IGSF21: variants seen among roughly 807,000 people sequenced by gnomAD.
The protein encoded by IGSF21 is immunoglobulin superfamily member 21.
In IGSF21, 28 loss-of-function variants were observed where a neutral mutation model predicts 46.8. The observed-to-expected ratio is 0.60, with a 90% CI of 0.44 to 0.82. IGSF21 has a LOEUF of 0.82. IGSF21 is among the 40% of genes least tolerant of loss of function. The pLI is 0.00. For synonymous variants in IGSF21, 284 were observed against 273.6 expected, an observed-to-expected ratio of 1.04 and a Z score of -0.38; for missense variants, 624 against 665.5, an observed-to-expected ratio of 0.94 and a Z score of 0.69.
intron 1 of IGSF21, among the ~76,000 whole-genome samples, chr1:18,160,147 AGAAG>A (rs2124442017): frequency 6.6e-6 from 1 of 152,204 alleles, no homozygotes; most frequent in East Asian, 1.9e-4. Flanking sequence ...CTAGGGGGAG[AGAAG>A]GAAGGAAAAA....
intron 2 of IGSF21, among the ~76,000 whole-genome samples, chr1:18,280,844 T>A (rs1270835795): frequency 1.3e-5 from 2 of 152,050 alleles, no homozygotes; most frequent in Non-Finnish European, 2.9e-5. Flanking sequence ...CATGATCTCC[T>A]CCTGTCTGCC....
At chr1:18,271,124 G>C (rs1255605078) in intron 2 of IGSF21, among the ~76,000 whole-genome samples, 1 of 152,162 alleles carries the variant, frequency 6.6e-6, no homozygotes, top group East Asian at 1.9e-4. Flanking sequence ...CAGAGGATTG[G>C]TTTTCATGGT....
intron 1 of IGSF21, among the ~76,000 whole-genome samples, chr1:18,201,958 G>C (rs764522684): frequency 6.6e-6 from 1 of 152,060 alleles, no homozygotes; most frequent in Non-Finnish European, 1.5e-5. Flanking sequence ...TCCTCCCTCC[G>C]TTCCTGACCC....
At chr1:18,282,092 C>T (rs904158925) in intron 2 of IGSF21, among the ~76,000 whole-genome samples, 2 of 152,088 alleles carry the variant, frequency 1.3e-5, no homozygotes, top group Admixed American at 6.5e-5. Context: ...TGAATGACCT[C>T]CTAGGGCACC....
intron 4 of IGSF21, among the ~76,000 whole-genome samples, chr1:18,349,246 C>T (rs1436271033): frequency 6.6e-5 from 10 of 152,130 alleles, no homozygotes; most frequent in Non-Finnish European, 1.3e-4. Context: ...CAGAGCTTGG[C>T]CTCTCTGCTC....
At chr1:18,131,541 G>A (rs1270729872) in intron 1 of IGSF21, among the ~76,000 whole-genome samples, 1 of 152,196 alleles carries the variant, frequency 6.6e-6, no homozygotes, top group East Asian at 1.9e-4. Context: ...TTACAGAAAG[G>A]TGTGTTATAA....
At chr1:18,185,371 T>G (rs1413446013) in intron 1 of IGSF21, among the ~76,000 whole-genome samples, 2 of 152,230 alleles carry the variant, frequency 1.3e-5, no homozygotes, top group Non-Finnish European at 2.9e-5. Context: ...TGACTGATCT[T>G]CAAGTGGTTT....
intron 1 of IGSF21, among the ~76,000 whole-genome samples, chr1:18,195,160 A>T (rs982745165): frequency 1.3e-5 from 2 of 152,134 alleles, no homozygotes; most frequent in African/African-American, 4.8e-5. Flanking sequence ...TCACGCCCCC[A>T]CTTCACAGAG....
intron 1 of IGSF21, among the ~76,000 whole-genome samples, chr1:18,147,855 C>T (rs1557557281): frequency 6.6e-6 from 1 of 152,098 alleles, no homozygotes; most frequent in Admixed American, 6.5e-5. Flanking sequence ...CCATAATTCC[C>T]ATGTGTCGTG....
intron 2 of IGSF21, among the ~76,000 whole-genome samples, chr1:18,257,694 T>G (rs920439866): frequency 2.6e-5 from 4 of 152,212 alleles, no homozygotes; most frequent in Admixed American, 6.5e-5. Context: ...TTCTACTGCA[T>G]GCCTACTGTG....
intron 4 of IGSF21, among the ~76,000 whole-genome samples, chr1:18,352,474 G>A (rs766452331): frequency 1.6e-4 from 24 of 152,116 alleles, no homozygotes; most frequent in Non-Finnish European, 3.4e-4. Flanking sequence ...ATAAGCTCCC[G>A]GGTGATTCGG....
rs535030958 is a variant in IGSF21 at position 18,287,378 on chromosome 1, G to C, written c.184-4488G>C. ...GCCACTACACTCCAGGTTGGTGACAGAGCGAGACTCTGTCTCAAACAAACA... is the reference window on the plus strand; with the variant it reads ...GCCACTACACTCCAGGTTGGTGACACAGCGAGACTCTGTCTCAAACAAACA... On this transcript the variant is annotated intron_variant, in intron 2 of 9. Coordinates refer to ENST00000251296, the MANE Select transcript of IGSF21 (RefSeq NM_032880.5). Among the ~76,000 whole-genome samples, 5 of 151,980 alleles carry C rather than the reference G, an allele frequency of 3.3e-5. No homozygotes were observed. In the East Asian group the frequency reaches 9.7e-4, roughly 29 times the overall value.
intron 1 of IGSF21, among the ~76,000 whole-genome samples, chr1:18,149,791 C>G (rs1160803053): frequency 6.6e-6 from 1 of 152,130 alleles, no homozygotes; most frequent in Admixed American, 6.5e-5. Flanking sequence ...TCCCCTCCCC[C>G]ATTGTTTCTG....
intron 2 of IGSF21, among the ~76,000 whole-genome samples, chr1:18,286,604 C>A (rs1479954162): frequency 6.6e-6 from 1 of 152,230 alleles, no homozygotes; most frequent in Non-Finnish European, 1.5e-5. Context: ...CCTTTTGGAG[C>A]CTCACATCGG....
At chr1:18,169,507 C>T (rs1463146120) in intron 1 of IGSF21, among the ~76,000 whole-genome samples, 7 of 152,212 alleles carry the variant, frequency 4.6e-5, no homozygotes, top group African/African-American at 9.6e-5. Context: ...GGGCTAATTC[C>T]ACTTCCTCAT....
intron 4 of IGSF21, among the ~76,000 whole-genome samples, chr1:18,352,432 T>A (rs2085967441): frequency 6.6e-6 from 1 of 152,060 alleles, no homozygotes. Context: ...GTTGGGCAGG[T>A]CTGGAATGGG....
At chr1:18,133,582 C>T (rs1481913264) in intron 1 of IGSF21, among the ~76,000 whole-genome samples, 2 of 152,254 alleles carry the variant, frequency 1.3e-5, no homozygotes. Flanking sequence ...CTACAGCCTC[C>T]TCCACCTGAC....
At chr1:18,302,543 T>C (rs2085372443) in intron 3 of IGSF21, among the ~76,000 whole-genome samples, 1 of 152,184 alleles carries the variant, frequency 6.6e-6, no homozygotes, top group Admixed American at 6.5e-5. Context: ...TTCTCTTCTT[T>C]CTCTCCCCCC....
At position 18,273,456 on chromosome 1, in the gene IGSF21, T is replaced by TTCTC. The variant is rs376410871; in HGVS notation, c.184-18404_184-18401dup. ...TTTCTTTCTTTCTCACTTTCTTTCTTTCTCTCTCTTTCTTTCTTTCTTTCT... is the reference window on the plus strand; with the variant it reads ...TTTCTTTCTTTCTCACTTTCTTTCTTTCTCTCTCTCTCTTTCTTTCTTTCTTTCT... On this transcript the variant is annotated intron_variant, in intron 2 of 9. Transcript: ENST00000251296. 8.3e-4 allele frequency among the ~76,000 whole-genome samples: 72 copies of TTCTC among 86,684 alleles called. 7 individuals are homozygous for TTCTC. Among genetic ancestry groups the TTCTC allele is most frequent in the African/African-American group, 3.7e-3 (70 of 18,876 alleles). The allele number at this position is 86,684 out of a possible 152,430, so 56.9% of individuals were successfully genotyped here. A position where few individuals can be genotyped will look rare whatever the true frequency, so the allele number is the denominator to read the frequency against.
Sources: gnomAD v4.1 joint callset for allele counts (sites outside exome capture counted in the v4.1 genomes callset) on GRCh38, gnomAD v4.1.1 for gene constraint, MANE v1.5 for transcripts, NCBI Gene and HGNC (gene_info 2026-07-23, HGNC 2026-07-21) for gene names.